The following DNPH1 variants were observed in gnomAD, a reference collection of about 807,000 sequenced individuals.
DNPH1 encodes the protein 5-hydroxymethyl-dUMP N-hydrolase.
Under a neutral mutation model 15.7 loss-of-function variants are expected in DNPH1, and 18 were observed. The observed-to-expected ratio is 1.15, with a 90% CI of 0.79 to 1.70. DNPH1 has a LOEUF of 1.70. DNPH1 is among the 40% of genes most tolerant of loss of function. The pLI is 0.00. For synonymous variants in DNPH1, 114 were observed against 107.9 expected, an observed-to-expected ratio of 1.06 and a Z score of -0.35; for missense variants, 262 against 255.2, an observed-to-expected ratio of 1.03 and a Z score of -0.18.
In DNPH1 at chr6:43,226,035, C is replaced by T. The variant is rs777520654; in HGVS notation, c.374G>A (p.Arg125His). The T allele has an allele frequency of 2.9e-5, 46 of 1,613,672 alleles. 1 individual carries two copies. Among genetic ancestry groups the T allele is most frequent in the South Asian group, 1.2e-4 (11 of 91,074 alleles). ...GGAGGGAGGCTTGGGGTGCTCACCG[C>T]GGCCAGACTGCGGGCGGAACAGGCA... Reference protein sequence around the residue: ...ILCLFRPQSGRVLSAMIRGAA... With the variant: ...ILCLFRPQSGHVLSAMIRGAA... Residue 125 changes from arginine (R) to histidine (H), a missense_variant and splice_region_variant, in exon 3 of 4, where the codon CGC becomes CAC. By Grantham distance (29) the Arg-to-His change is conservative. Transcript: ENST00000230431. This position sits in a 1 kb window ranked among gnomAD's most constrained non-coding sequence, Gnocchi z 4.1.
At position 43,229,330 on chromosome 6, in the gene DNPH1, C is replaced by A. The variant is rs755075566; in HGVS notation, c.127G>T (p.Val43Leu). Residue 43 changes from valine (V) to leucine (L), a missense_variant, in exon 1 of 4, where the codon GTG (valine) becomes TTG (leucine). Physicochemically the swap from Val to Leu is conservative, Grantham distance 32 (BLOSUM62 1). Transcript: ENST00000230431. ...REDRTLYERI[V>L]SRLRRFGTVL... ...GTCCCGAATCGCCGCAGCCGAGACA[C>A]GATCCGCTCGTACAGCGTCCTGTCC... 6.7e-7 allele frequency: 1 copy of A among 1,491,886 alleles called. No individual in the cohort carries two copies. The highest frequency in any genetic ancestry group is 1.4e-5 in the African/African-American group (1 of 69,034). The allele number at this position is 1,491,886 out of a possible 1,614,324, so 92.4% of individuals were successfully genotyped here.
Position 43,226,421 on chromosome 6 carries a change from G to A in DNPH1, c.197-26C>T. On this transcript the variant is annotated intron_variant, in intron 1 of 3. Transcript: ENST00000230431. This position sits in a 1 kb window ranked among gnomAD's most constrained non-coding sequence, Gnocchi z 4.1. ...CTGTGTTGAGGGAAAGCTGGTCAAG[G>A]ACATGCCTCATGCTGGCTCCCAGTA... 1.9e-6 allele frequency: 3 copies of A among 1,603,624 alleles called. No homozygotes were observed. Among genetic ancestry groups the A allele is most frequent in the Non-Finnish European group, 2.6e-6 (3 of 1,176,286 alleles).
intron 1 of DNPH1, among the ~76,000 whole-genome samples, chr6:43,227,036 G>T (rs568053537): frequency 4.6e-5 from 7 of 152,220 alleles, no homozygotes; most frequent in African/African-American, 1.7e-4. Flanking sequence ...GAACCCAGGA[G>T]GCGGAAGTTG....
Position 43,226,023 on chromosome 6 carries a change from G to A in DNPH1, c.376+10C>T. 6.2e-7 allele frequency: 1 copy of A among 1,613,762 alleles called. No homozygotes were observed. The highest frequency in any genetic ancestry group is 8.5e-7 in the Non-Finnish European group (1 of 1,179,880). Reference sequence around the variant, plus strand: ...CATAGAAAGCCAGGAGGGAGGCTTGGGGTGCTCACCGCGGCCAGACTGCGG... The same window carrying A: ...CATAGAAAGCCAGGAGGGAGGCTTGAGGTGCTCACCGCGGCCAGACTGCGG... On this transcript the variant is annotated intron_variant, in intron 3 of 3. Transcript: ENST00000230431. This position sits in a 1 kb window ranked among gnomAD's most constrained non-coding sequence, Gnocchi z 4.1.
At position 43,229,227 on chromosome 6, in the gene DNPH1, C is replaced by T. The variant is rs966699982; in HGVS notation, c.196+34G>A. 6.4e-5 allele frequency: 84 copies of T among 1,302,578 alleles called. No homozygotes were observed. The African/African-American group carries it at 1.1e-3, about 17-fold the overall frequency. 80.7% of individuals were successfully genotyped at this position (1,302,578 alleles called of 1,614,324 possible). On this transcript the variant is annotated intron_variant, in intron 1 of 3. Transcript: ENST00000230431. ...CTGCCACCCCAGCCAGGTCCGCGCC[C>T]GCGTCCCCGCGTCCCGCGGCCCCAG...
intron 1 of DNPH1, among the ~76,000 whole-genome samples, chr6:43,228,284 C>G (rs1029011248): frequency 1.6e-4 from 25 of 151,750 alleles, no homozygotes; most frequent in Non-Finnish European, 7.4e-5. Flanking sequence ...TAGTGAGACT[C>G]CCAATCTCTA....
chr6:43,229,088 C>T (rs1562072490), intron 1 of DNPH1, 173 bp downstream of exon 1: 5 of 653,126 alleles, frequency 7.7e-6, no homozygotes, highest in Non-Finnish European at 1.0e-5. Context: ...GCCCGAGCCC[C>T]GGCCCGTTTC....
chr6:43,227,357 A>G (rs1440132823), intron 1 of DNPH1, among the ~76,000 whole-genome samples: 2 of 151,216 alleles, frequency 1.3e-5, no homozygotes, highest in Non-Finnish European at 2.9e-5. Flanking sequence ...GGAGGTTGCA[A>G]TGAGCGGAGA....
Position 43,229,295 on chromosome 6 carries a change from G to T in DNPH1, c.162C>A (p.Thr54=), listed in dbSNP as rs757817285. ...SRLRRFGTVL[T]EHVAAAELGA... is the part of the protein sequence containing the mutation. ...CCAGCTCGGCGGCCGCCACGTGCTCGGTGAGCACTGTCCCGAATCGCCGCA... is the reference window on the plus strand; with the variant it reads ...CCAGCTCGGCGGCCGCCACGTGCTCTGTGAGCACTGTCCCGAATCGCCGCA... The change falls in exon 1 of 4, where the codon ACC becomes ACA. Residue 54 remains threonine (T), a synonymous_variant. Transcript: ENST00000230431. 7 of 1,465,054 alleles carry T rather than the reference G, an allele frequency of 4.8e-6. No individual in the cohort carries two copies. Among genetic ancestry groups the T allele is most frequent in the South Asian group, 2.6e-5 (2 of 76,192 alleles). 90.8% of individuals were successfully genotyped at this position (1,465,054 alleles called of 1,614,324 possible). A position where few individuals can be genotyped will look rare whatever the true frequency, so the allele number is the denominator to read the frequency against.
chr6:43,227,198 C>T lies in DNPH1; in HGVS notation c.197-803G>A, dbSNP rs146780718. Among the ~76,000 whole-genome samples the T allele has an allele frequency of 4.5e-3, 683 of 151,174 alleles. 3 individuals are homozygous for T. The highest frequency in any genetic ancestry group is 0.016 in the African/African-American group (639 of 41,110). On this transcript the variant is annotated intron_variant, in intron 1 of 3. Transcript: ENST00000230431. The stretch of plus-strand genomic sequence containing the variant: ...TTGGGAGGCCAAGGCGGTAGGATCA[C>T]GAGGTCAGGAGTTTGAGACCAGTCT...
At position 43,226,772 on chromosome 6, in the gene DNPH1, C is replaced by T. The variant is rs1776749290; in HGVS notation, c.197-377G>A. ...ATCTTCCAGGACAGTGAGGCTCAGCCCACCGCATCAGGGTAGGACCACTGG... is the reference window on the plus strand; with the variant it reads ...ATCTTCCAGGACAGTGAGGCTCAGCTCACCGCATCAGGGTAGGACCACTGG... On this transcript the variant is annotated intron_variant, in intron 1 of 3. Transcript: ENST00000230431. This position sits in a 1 kb window ranked among gnomAD's most constrained non-coding sequence, Gnocchi z 4.1. 4.5e-6 allele frequency: 1 copy of T among 222,540 alleles called. No individual in the cohort carries two copies. The highest frequency in any genetic ancestry group is 8.9e-6 in the Non-Finnish European group (1 of 112,904). The allele number at this position is 222,540 out of a possible 1,614,324, so 13.8% of individuals were successfully genotyped here.
At chr6:43,227,448 T>TA (rs1174430069) in intron 1 of DNPH1, among the ~76,000 whole-genome samples, 1 of 151,922 alleles carries the variant, frequency 6.6e-6, no homozygotes, top group East Asian at 1.9e-4. Flanking sequence ...TCGAAGGCTT[T>TA]ATCCCAGATG....
In DNPH1 at chr6:43,229,416, T is replaced by C. The variant is rs760924174; in HGVS notation, c.41A>G (p.Glu14Gly). Residue 14 changes from glutamate to glycine, a missense_variant, in exon 1 of 4, where the codon GAG (glutamate) becomes GGG (glycine). By Grantham distance (98) the Glu-to-Gly change is moderately conservative (BLOSUM62 -2). Coordinates refer to ENST00000230431, the MANE Select transcript of DNPH1 (RefSeq NM_006443.3). ...AMVPGRSESW[E>G]RGEPGRPALY... ...GGCCGGGCGGCCAGGCTCCCCGCGC[T>C]CCCAGCTCTCGCTGCGCCCCGGCAC... The C allele has an allele frequency of 1.0e-4, 146 of 1,416,052 alleles. 1 individual carries two copies. The highest frequency in any genetic ancestry group is 1.3e-4 in the Non-Finnish European group (138 of 1,081,180). The allele number at this position is 1,416,052 out of a possible 1,614,324, so 87.7% of individuals were successfully genotyped here. A position where few individuals can be genotyped will look rare whatever the true frequency, so the allele number is the denominator to read the frequency against.
intron 3 of DNPH1, 74 bp from the exon 4 acceptor site, chr6:43,225,955 G>A (rs370335486): frequency 5.6e-5 from 90 of 1,613,206 alleles, no homozygotes; most frequent in East Asian, 6.7e-5. Context: ...TGGGAGAGGC[G>A]CGGTGCTCAG....
In DNPH1 at chr6:43,225,645, A is replaced by G. The variant is rs1258121388; in HGVS notation, c.*88T>C. 6.6e-7 allele frequency: 1 copy of G among 1,517,946 alleles called. No homozygotes were observed. The highest frequency in any genetic ancestry group is 1.4e-5 in the African/African-American group (1 of 73,124). The allele number at this position is 1,517,946 out of a possible 1,614,324, so 94.0% of individuals were successfully genotyped here. On this transcript the variant is annotated 3_prime_UTR_variant, in exon 4 of 4. Transcript: ENST00000230431. ...GACAGAAAGTTAGGATTTTAACTGT[A>G]CCTTTTAATTTGCTCCTGGGGCTAA...
rs1005383594 is a variant in DNPH1, at chr6:43,225,817, C to G, written c.441G>C (p.Glu147Asp). Residue 147 changes from glutamate to aspartate, a missense_variant, in exon 4 of 4, where the codon GAG becomes GAC. Physicochemically the swap from Glu to Asp is conservative, Grantham distance 45. Transcript: ENST00000230431. ...GATCCAGCAGGGCCTCCACCTCTCCCTCCTCATAGTCCCACACCTGGAACC... is the reference window on the plus strand; with the variant it reads ...GATCCAGCAGGGCCTCCACCTCTCCGTCCTCATAGTCCCACACCTGGAACC... ...GSRFQVWDYE[E>D]GEVEALLDRY... 6.2e-7 allele frequency: 1 copy of G among 1,614,104 alleles called. No homozygotes were observed. The highest frequency in any genetic ancestry group is 1.1e-5 in the South Asian group (1 of 91,086).
chr6:43,229,305 G>A lies in DNPH1; in HGVS notation c.152C>T (p.Thr51Ile). 1.4e-6 allele frequency: 2 copies of A among 1,481,368 alleles called. No individual in the cohort carries two copies. The highest frequency in any genetic ancestry group is 1.8e-6 in the Non-Finnish European group (2 of 1,119,124). The allele number at this position is 1,481,368 out of a possible 1,614,324, so 91.8% of individuals were successfully genotyped here. A position where few individuals can be genotyped will look rare whatever the true frequency, so the allele number is the denominator to read the frequency against. The change falls in exon 1 of 4, where the codon ACA (threonine) becomes ATA (isoleucine). Residue 51 changes from threonine (T) to isoleucine (I), a missense_variant. By Grantham distance (89) the Thr-to-Ile change is moderately conservative. Transcript: ENST00000230431. ...RIVSRLRRFG[T>I]VLTEHVAAAE... ...GGCCGCCACGTGCTCGGTGAGCACTGTCCCGAATCGCCGCAGCCGAGACAC... is the reference window on the plus strand; with the variant it reads ...GGCCGCCACGTGCTCGGTGAGCACTATCCCGAATCGCCGCAGCCGAGACAC...
chr6:43,228,479 TAGTG>T (rs1325162629), intron 1 of DNPH1, among the ~76,000 whole-genome samples: 1 of 145,822 alleles, frequency 6.9e-6, no homozygotes, highest in Non-Finnish European at 1.5e-5. Context: ...GAGAGGGTAA[TAGTG>T]AGAACTGGGG....
intron 1 of DNPH1, among the ~76,000 whole-genome samples, chr6:43,227,039 G>A (rs1039821290): frequency 2.6e-5 from 4 of 151,904 alleles, no homozygotes; most frequent in African/African-American, 7.3e-5. Flanking sequence ...CCCAGGAGGC[G>A]GAAGTTGCAG....
Sources: allele counts gnomAD v4.1 joint callset (sites outside exome capture counted in the v4.1 genomes callset), GRCh38; gene constraint gnomAD v4.1.1; non-coding constraint Gnocchi (gnomAD v3.1); transcripts MANE v1.5; gene names NCBI Gene and HGNC (gene_info 2026-07-23, HGNC 2026-07-21).